DLEC1: variants seen among roughly 807,000 people sequenced by gnomAD.
DLEC1 encodes DLEC1 cilia and flagella associated protein, also known as deleted in lung and esophageal cancer protein 1.
Under a neutral mutation model 198.1 loss-of-function variants are expected in DLEC1, and 146 were observed. The ratio of observed to expected loss-of-function variants is 0.74; its 90% CI spans 0.64 to 0.85. DLEC1 has a LOEUF of 0.85. Ranked by LOEUF, DLEC1 falls within the 40% of genes least tolerant of loss-of-function variation. The pLI is 0.00. For missense variants in DLEC1, 2,233 were observed against 2,220.0 expected, an observed-to-expected ratio of 1.01 and a Z score of -0.12; for synonymous variants, 897 against 866.8, an observed-to-expected ratio of 1.03 and a Z score of -0.61.
chr3:38,097,348 G>A, intron 16 of DLEC1, 73 bp downstream of exon 16: 2 of 1,539,930 alleles, frequency 1.3e-6, no homozygotes, highest in South Asian at 1.2e-5. Flanking sequence ...AGAGTTAAAG[G>A]GGCTTATGCA....
chr3:38,057,981 T>A (rs1452891515), intron 2 of DLEC1, among the ~76,000 whole-genome samples: 1 of 152,054 alleles, frequency 6.6e-6, no homozygotes, highest in African/African-American at 2.4e-5. Context: ...CACACCTGGC[T>A]AATTTTTGTA....
At chr3:38,051,870 A>T (rs1204211655) in intron 2 of DLEC1, 1 of 153,956 alleles carries the variant, frequency 6.5e-6, no homozygotes, top group African/African-American at 2.4e-5. Flanking sequence ...AGAAAGTTAT[A>T]ACTTGAATGA....
At chr3:38,096,476 T>C (rs1184833807) in intron 14 of DLEC1, 93 bp from the exon 15 acceptor site, 1 of 1,467,564 alleles carries the variant, frequency 6.8e-7, no homozygotes, top group Non-Finnish European at 9.2e-7. Context: ...GTGTTTTTTT[T>C]TTCACAAGGC....
chr3:38,082,117 G>A (rs1452155007), intron 6 of DLEC1, among the ~76,000 whole-genome samples: 33 of 149,386 alleles, frequency 2.2e-4, no homozygotes, highest in African/African-American at 6.9e-4. Flanking sequence ...CCTCCCAGAC[G>A]GGGTCTCGGC....
chr3:38,094,766 C>A, intron 12 of DLEC1, 113 bp from the exon 13 acceptor site: 1 of 1,279,022 alleles, frequency 7.8e-7, no homozygotes, highest in Non-Finnish European at 1.1e-6. Context: ...CTGGTTTCTT[C>A]CTGTTCCTAG....
At chr3:38,111,887 A>G in intron 24 of DLEC1, 140 bp downstream of exon 24, 1 of 959,914 alleles carries the variant, frequency 1.0e-6, no homozygotes, top group Non-Finnish European at 1.5e-6. Flanking sequence ...TCCACCTGAC[A>G]ATGCCTCTTC....
At chr3:38,085,911 A>G (rs1365330288) in intron 8 of DLEC1, among the ~76,000 whole-genome samples, 2 of 152,038 alleles carry the variant, frequency 1.3e-5, no homozygotes, top group African/African-American at 2.4e-5. Flanking sequence ...GGAATTTGGG[A>G]CCGTGATCCC....
chr3:38,061,101 T>C (rs991751988), intron 3 of DLEC1, among the ~76,000 whole-genome samples: 13 of 152,274 alleles, frequency 8.5e-5, no homozygotes, highest in Non-Finnish European at 1.6e-4. Flanking sequence ...TGTGATGGTA[T>C]CCATTTGATT....
chr3:38,072,636 T>C, intron 6 of DLEC1, among the ~76,000 whole-genome samples: 1 of 152,194 alleles, frequency 6.6e-6, no homozygotes, highest in East Asian at 1.9e-4. Flanking sequence ...TGTGAGTTTA[T>C]ATAATGGTTT....
At chr3:38,064,935 G>A (rs1037824510) in intron 6 of DLEC1, among the ~76,000 whole-genome samples, 53 of 152,194 alleles carry the variant, frequency 3.5e-4, no homozygotes, top group Non-Finnish European at 7.1e-4. Flanking sequence ...CCTAGATGGG[G>A]TGGCGGCCGG....
chr3:38,116,833 C>A lies in DLEC1; in HGVS notation c.4123C>A (p.Gln1375Lys). The A allele has an allele frequency of 6.2e-7, 1 of 1,613,796 alleles. No homozygotes were observed. Among genetic ancestry groups the A allele is most frequent in the Non-Finnish European group, 8.5e-7 (1 of 1,179,872 alleles). The part of the protein sequence containing the change: ...VAQKLISVIL[Q>K]AHEGVPSGHL... ...ACAGAAGCTCATCTCAGTCATCCTG[C>A]AGGCACATGAGGGGGTGCCCTCCGG... The change falls in exon 29 of 37, where the codon CAG (glutamine) becomes AAG (lysine). Residue 1375 changes from glutamine to lysine, a missense_variant. Transcript: ENST00000308059.
chr3:38,101,541 C>G (rs1699306505), intron 19 of DLEC1, among the ~76,000 whole-genome samples: 1 of 151,986 alleles, frequency 6.6e-6, no homozygotes, highest in African/African-American at 2.4e-5. Flanking sequence ...ATGTTTTATA[C>G]TCATTTTTGC....
intron 6 of DLEC1, among the ~76,000 whole-genome samples, chr3:38,068,142 C>G (rs1303094021): frequency 6.6e-6 from 1 of 152,238 alleles, no homozygotes; most frequent in African/African-American, 2.4e-5. Context: ...TTGCACAGCA[C>G]TACATCCTCT....
At position 38,112,198 on chromosome 3, in the gene DLEC1, G is replaced by T; in HGVS notation, c.3515-12G>T. On this transcript the variant is annotated splice_polypyrimidine_tract_variant and intron_variant, in intron 24 of 36. Coordinates refer to ENST00000308059, the MANE Select transcript of DLEC1 (RefSeq NM_007335.4). This position sits in a 1 kb window ranked among gnomAD's most constrained non-coding sequence, Gnocchi z 4.8. ...GGCCCGTGAATCCCCCACAGTCGCG[G>T]TTCTTTCCCAGATTTTATGGAGAGC... The T allele has an allele frequency of 1.2e-6, 2 of 1,614,098 alleles. No individual in the cohort carries two copies. Among genetic ancestry groups the T allele is most frequent in the Non-Finnish European group, 1.7e-6 (2 of 1,179,976 alleles).
At chr3:38,042,850 C>T (rs947258679) in intron 1 of DLEC1, among the ~76,000 whole-genome samples, 1 of 152,166 alleles carries the variant, frequency 6.6e-6, no homozygotes, top group Admixed American at 6.5e-5. Context: ...ACACTGCGCC[C>T]AGCAATGTTG....
Position 38,122,589 on chromosome 3 carries a change from C to G in DLEC1, c.*177C>G, listed in dbSNP as rs957982163. On this transcript the variant is annotated 3_prime_UTR_variant, in exon 37 of 37. Transcript: ENST00000308059. ...CTCAGCCTAGGCCCTCATGATATGTCCTCAGAGCTAACATAAAGGACAGGC... is the reference window on the plus strand; with the variant it reads ...CTCAGCCTAGGCCCTCATGATATGTGCTCAGAGCTAACATAAAGGACAGGC... 2 of 1,588,618 alleles carry G rather than the reference C, an allele frequency of 1.3e-6. No individual in the cohort carries two copies. The highest frequency in any genetic ancestry group is 1.7e-6 in the Non-Finnish European group (2 of 1,170,520).
chr3:38,103,749 G>A (rs1314386328), intron 19 of DLEC1: 1 of 152,210 alleles, frequency 6.6e-6, no homozygotes, highest in Non-Finnish European at 1.5e-5. Flanking sequence ...AGGGTTATCA[G>A]TTGGTCTAAT....
intron 6 of DLEC1, among the ~76,000 whole-genome samples, chr3:38,068,802 C>T (rs1697167154): frequency 6.6e-6 from 1 of 152,176 alleles, no homozygotes; most frequent in South Asian, 2.1e-4. Context: ...GTTGATTATT[C>T]ACTCCAGGAA....
In DLEC1 at chr3:38,122,289, G is replaced by T; in HGVS notation, c.5145G>T (p.Arg1715Ser). 1.2e-6 allele frequency: 2 copies of T among 1,611,594 alleles called. No homozygotes were observed. Among genetic ancestry groups the T allele is most frequent in the Non-Finnish European group, 1.7e-6 (2 of 1,178,254 alleles). ...CTCAGCCCCCACATGCTCCCCACAG[G>T]AGTAGTGAGCTGTACGAGTCCACGA... The part of the protein sequence containing the change: ...SIALQVFFTA[R>S]SSELYESTMV... The change falls in exon 37 of 37, where the codon AGG (arginine) becomes AGT (serine). Residue 1715 changes from arginine to serine, a missense_variant and splice_region_variant. Coordinates refer to ENST00000308059, the MANE Select transcript of DLEC1 (RefSeq NM_007335.4).
Sources: allele counts gnomAD v4.1 joint callset (sites outside exome capture counted in the v4.1 genomes callset), GRCh38; gene constraint gnomAD v4.1.1; non-coding constraint Gnocchi (gnomAD v3.1); transcripts MANE v1.5; gene names NCBI Gene and HGNC (gene_info 2026-07-23, HGNC 2026-07-21).